The following CSNK1G1 variants were observed in gnomAD, a reference collection of about 807,000 sequenced individuals.
CSNK1G1 encodes casein kinase 1 gamma 1, also known as casein kinase I isoform gamma-1.
CSNK1G1 carries 22 observed loss-of-function variants against 59.6 expected under a neutral mutation model. That is an observed-to-expected ratio of 0.37 (90% confidence interval 0.26 to 0.53). The LOEUF (loss-of-function observed/expected upper bound fraction) is 0.53, where lower values mean the gene tolerates loss of function less well. Ranked by LOEUF, CSNK1G1 falls within the 20% of genes least tolerant of loss-of-function variation. The pLI is 0.89. For missense variants in CSNK1G1, 384 were observed against 519.5 expected (o/e 0.74, Z 2.54); for synonymous variants, 179 against 177.1 (o/e 1.01, Z -0.08).
chr15:64,323,690 T>A (rs896867536), intron 1 of CSNK1G1, among the ~76,000 whole-genome samples: 1 of 152,238 alleles, frequency 6.6e-6, no homozygotes, highest in Middle Eastern at 3.4e-3. Context: ...TTAAAACATA[T>A]AAACAATTTC....
chr15:64,248,415 TTTCTAAC>T (rs1342064482), intron 4 of CSNK1G1, among the ~76,000 whole-genome samples: 1 of 148,724 alleles, frequency 6.7e-6, no homozygotes, highest in African/African-American at 2.6e-5. Flanking sequence ...TTATTAAATC[TTTCTAAC>T]TTCTTTCTGC....
intron 1 of CSNK1G1, among the ~76,000 whole-genome samples, chr15:64,312,282 AG>A (rs1896037030): frequency 6.6e-6 from 1 of 152,212 alleles, no homozygotes; most frequent in Non-Finnish European, 1.5e-5. Flanking sequence ...CCAAAAAAAG[AG>A]CCCGCATAGC....
intron 7 of CSNK1G1, among the ~76,000 whole-genome samples, chr15:64,206,221 C>A (rs1019962705): frequency 6.6e-6 from 1 of 152,118 alleles, no homozygotes; most frequent in Non-Finnish European, 1.5e-5. Context: ...GCAGGCGGAT[C>A]ACAAGGTCAG....
rs553529482 is a variant in CSNK1G1 at position 64,339,327 on chromosome 15, T to C, written c.-225+16661A>G. 1.3e-4 allele frequency among the ~76,000 whole-genome samples: 20 copies of C among 152,208 alleles called. No homozygotes were observed. The East Asian group carries it at 3.9e-3, about 29-fold the overall frequency. On this transcript the variant is annotated intron_variant, in intron 1 of 11. Coordinates refer to ENST00000303052, the MANE Select transcript of CSNK1G1 (RefSeq NM_022048.5). ...TTTTTTGTTGTTATTGTTGTTGTTG[T>C]TTTGAGGTAGAGTCTCACTCTCTCG...
At chr15:64,193,637 A>C (rs1361550273) in intron 10 of CSNK1G1, among the ~76,000 whole-genome samples, 1 of 152,184 alleles carries the variant, frequency 6.6e-6, no homozygotes, top group Admixed American at 6.5e-5. Context: ...TATAAACCTT[A>C]TCAAATAGGA....
chr15:64,337,308 C>T (rs902506821), intron 1 of CSNK1G1, among the ~76,000 whole-genome samples: 1 of 152,092 alleles, frequency 6.6e-6, no homozygotes, highest in Non-Finnish European at 1.5e-5. Context: ...AACTTCATCA[C>T]CAAAAAAGAC....
At chr15:64,347,867 G>A (rs1898063537) in intron 1 of CSNK1G1, among the ~76,000 whole-genome samples, 1 of 151,540 alleles carries the variant, frequency 6.6e-6, no homozygotes, top group African/African-American at 2.4e-5. Context: ...TTAGCCAGGA[G>A]TGGTGGCATG....
At chr15:64,331,211 A>ATG (rs2140457447) in intron 1 of CSNK1G1, among the ~76,000 whole-genome samples, 1 of 135,404 alleles carries the variant, frequency 7.4e-6, no homozygotes, top group African/African-American at 2.8e-5. Flanking sequence ...AAGAGCCCGC[A>ATG]TTGCCAAGTC....
intron 10 of CSNK1G1, among the ~76,000 whole-genome samples, chr15:64,196,181 C>T (rs1048641882): frequency 3.3e-5 from 5 of 152,082 alleles, no homozygotes; most frequent in East Asian, 1.9e-4. Context: ...CACGCCACTA[C>T]ACTCTATCCT....
chr15:64,345,799 T>C (rs1432782099), intron 1 of CSNK1G1, among the ~76,000 whole-genome samples: 1 of 152,062 alleles, frequency 6.6e-6, no homozygotes, highest in Non-Finnish European at 1.5e-5. Flanking sequence ...AAAAAAAAAC[T>C]TATTTTTTTT....
At position 64,258,383 on chromosome 15, in the gene CSNK1G1, C is replaced by CA. The variant is rs11364241; in HGVS notation, c.222+817dup. Among the ~76,000 whole-genome samples, 189 of 124,752 alleles carry CA rather than the reference C, an allele frequency of 1.5e-3. 3 individuals are homozygous for CA. The highest frequency in any genetic ancestry group is 4.1e-3 in the Middle Eastern group (1 of 246). 81.8% of individuals were successfully genotyped at this position (124,752 alleles called of 152,430 possible). ...GGGCAACACTGTGAGACCCTGTCTC[C>CA]AAAAAAAAAAAAATAAAGAAAGAAA... On this transcript the variant is annotated intron_variant, in intron 3 of 11. Coordinates refer to ENST00000303052, the MANE Select transcript of CSNK1G1 (RefSeq NM_022048.5).
Position 64,320,817 on chromosome 15 carries a change from T to G in CSNK1G1, c.-224-20094A>C, listed in dbSNP as rs57749850. Among the ~76,000 whole-genome samples the G allele has an allele frequency of 6.9e-3, 1,052 of 152,258 alleles. 10 individuals carry two copies. Among genetic ancestry groups the G allele is most frequent in the African/African-American group, 0.017 (708 of 41,550 alleles). ...GTTTTTATATGTTCGCAATTAATTTTTTAAAATTTTTAAATACTGTCCACA... is the reference window on the plus strand; with the variant it reads ...GTTTTTATATGTTCGCAATTAATTTGTTAAAATTTTTAAATACTGTCCACA... On this transcript the variant is annotated intron_variant, in intron 1 of 11. Transcript: ENST00000303052.
At chr15:64,318,861 T>TGAG (rs1896411607) in intron 1 of CSNK1G1, among the ~76,000 whole-genome samples, 2 of 152,198 alleles carry the variant, frequency 1.3e-5, no homozygotes, top group East Asian at 3.9e-4. Flanking sequence ...TCTACCCATC[T>TGAG]CAGCCTCCCA....
intron 8 of CSNK1G1, 44 bp downstream of exon 8, chr15:64,204,821 G>A (rs774529262): frequency 7.3e-7 from 1 of 1,361,540 alleles, no homozygotes; most frequent in East Asian, 2.3e-5. Context: ...ACTCTACCTA[G>A]TTTCAAAGCT....
At chr15:64,238,494 TAAA>T (rs1169739046) in intron 4 of CSNK1G1, among the ~76,000 whole-genome samples, 100 of 56,384 alleles carry the variant, frequency 1.8e-3, no homozygotes, top group African/African-American at 9.5e-3. Context: ...CCCTGTCCCT[TAAA>T]AAAAAAAAAA....
chr15:64,199,535 C>A (rs892772238), intron 10 of CSNK1G1, among the ~76,000 whole-genome samples: 5 of 152,086 alleles, frequency 3.3e-5, no homozygotes, highest in African/African-American at 1.2e-4. Flanking sequence ...TTCACTGAAG[C>A]AGGAAAGTAA....
At chr15:64,262,691 T>A (rs1260818955) in intron 2 of CSNK1G1, among the ~76,000 whole-genome samples, 5 of 152,208 alleles carry the variant, frequency 3.3e-5, no homozygotes, top group Non-Finnish European at 4.4e-5. Flanking sequence ...TTTTCTTGGA[T>A]CCTAATTTTC....
intron 4 of CSNK1G1, among the ~76,000 whole-genome samples, chr15:64,234,277 T>C (rs2140295900): frequency 6.6e-6 from 1 of 152,094 alleles, no homozygotes; most frequent in African/African-American, 2.4e-5. Context: ...AAAATAAATA[T>C]AAAATATTAT....
At chr15:64,290,512 A>T (rs755872404) in intron 2 of CSNK1G1, among the ~76,000 whole-genome samples, 1 of 152,186 alleles carries the variant, frequency 6.6e-6, no homozygotes, top group African/African-American at 2.4e-5. Flanking sequence ...TTTCACTTAT[A>T]AGTGGGAGCT....
Sources: allele counts gnomAD v4.1 joint callset (sites outside exome capture counted in the v4.1 genomes callset), GRCh38; gene constraint gnomAD v4.1.1; transcripts MANE v1.5; gene names NCBI Gene and HGNC (gene_info 2026-07-23, HGNC 2026-07-21).